HECW1: variants seen among roughly 807,000 people sequenced by gnomAD.
The protein encoded by HECW1 is E3 ubiquitin-protein ligase HECW1.
In HECW1, 61 loss-of-function variants were observed where a neutral mutation model predicts 182.3. The ratio of observed to expected loss-of-function variants is 0.33; its 90% confidence interval spans 0.27 to 0.41. HECW1 has a LOEUF of 0.41. HECW1 is among the 10% of genes least tolerant of loss of function. The probability of loss-of-function intolerance (pLI) is 1.00; values close to 1 mark genes in which losing one functional copy is unlikely to be tolerated. For synonymous variants in HECW1, 859 were observed against 832.6 expected, an observed-to-expected ratio of 1.03 and a Z score of -0.55; for missense variants, 1,739 against 2,108.9, an observed-to-expected ratio of 0.82 and a Z score of 3.44.
chr7:43,300,652 C>T (rs1041322366), intron 3 of HECW1, among the ~76,000 whole-genome samples: 5 of 152,150 alleles, frequency 3.3e-5, no homozygotes, highest in African/African-American at 1.2e-4. Flanking sequence ...GAATTTATAT[C>T]AGATATGGCC....
intron 24 of HECW1, among the ~76,000 whole-genome samples, chr7:43,517,511 A>C (rs7802336): frequency 0.27 from 40,951 of 152,122 alleles, 5,574 homozygotes; most frequent in South Asian, 0.36. Flanking sequence ...GTGTAATTGT[A>C]GAGTTTTATG....
chr7:43,416,804 G>A (rs1332652958), intron 8 of HECW1, among the ~76,000 whole-genome samples: 2 of 147,976 alleles, frequency 1.4e-5, no homozygotes, highest in African/African-American at 5.0e-5. Flanking sequence ...AGGTGCGTCC[G>A]TCACCCCTTT....
chr7:43,327,929 T>C (rs1319043336), intron 5 of HECW1, among the ~76,000 whole-genome samples: 2 of 151,450 alleles, frequency 1.3e-5, no homozygotes, highest in Non-Finnish European at 2.9e-5. Flanking sequence ...GAAAGATAAG[T>C]GCTTAGACTT....
chr7:43,492,968 T>C, intron 18 of HECW1, 116 bp from the exon 19 acceptor site: 1 of 614,622 alleles, frequency 1.6e-6, no homozygotes. Context: ...ATGAGTATGC[T>C]GCCTGCCCTT....
At chr7:43,519,811 A>G (rs1441147778) in intron 24 of HECW1, among the ~76,000 whole-genome samples, 1 of 152,204 alleles carries the variant, frequency 6.6e-6, no homozygotes, top group East Asian at 1.9e-4. Flanking sequence ...AACGCAATTC[A>G]AAAACTGAAA....
intron 3 of HECW1, among the ~76,000 whole-genome samples, chr7:43,308,548 C>T (rs916045009): frequency 2.2e-4 from 34 of 151,422 alleles, no homozygotes; most frequent in African/African-American, 7.8e-4. Flanking sequence ...AAGTTCATCT[C>T]CTTCCTACAT....
intron 26 of HECW1, among the ~76,000 whole-genome samples, chr7:43,549,318 G>C (rs1234246614): frequency 6.6e-6 from 1 of 152,188 alleles, no homozygotes; most frequent in Non-Finnish European, 1.5e-5. Context: ...TTTTATAATT[G>C]GCACTAATCA....
Position 43,396,905 on chromosome 7 carries a change from C to A in HECW1, c.631+16C>A. On this transcript the variant is annotated intron_variant, in intron 7 of 29. Transcript: ENST00000395891. ...TCTCTCTCAGGTATGTTTTGCTCAC[C>A]TGAGACTTTGTGGAGAGACTAAGAA... 2 of 1,592,718 alleles carry A rather than the reference C, an allele frequency of 1.3e-6. No individual in the cohort carries two copies. The highest frequency in any genetic ancestry group is 1.7e-6 in the Non-Finnish European group (2 of 1,161,660).
At chr7:43,530,804 A>C (rs2080952102) in intron 24 of HECW1, among the ~76,000 whole-genome samples, 1 of 152,130 alleles carries the variant, frequency 6.6e-6, no homozygotes, top group Non-Finnish European at 1.5e-5. Flanking sequence ...ATTTACCTCC[A>C]AATTGTTCGG....
chr7:43,478,091 A>G (rs1032124612), intron 16 of HECW1, among the ~76,000 whole-genome samples: 3 of 152,236 alleles, frequency 2.0e-5, no homozygotes, highest in African/African-American at 7.2e-5. Flanking sequence ...TGGAATATAT[A>G]TGGTACTCAG....
intron 3 of HECW1, among the ~76,000 whole-genome samples, chr7:43,307,917 T>TAC (rs1192289864): frequency 0.023 from 2,898 of 123,828 alleles, 103 homozygotes; most frequent in African/African-American, 0.085. Flanking sequence ...TATATATATA[T>TAC]ACACACACAC....
intron 5 of HECW1, among the ~76,000 whole-genome samples, chr7:43,340,960 C>T (rs951098267): frequency 4.0e-5 from 6 of 151,720 alleles, no homozygotes; most frequent in African/African-American, 1.5e-4. Context: ...ACATATACAC[C>T]ATGGAATACT....
At chr7:43,206,258 C>T (rs761844952) in intron 2 of HECW1, among the ~76,000 whole-genome samples, 7 of 152,150 alleles carry the variant, frequency 4.6e-5, no homozygotes, top group African/African-American at 1.7e-4. Context: ...ACCAGGAACG[C>T]GGCAGCTGAT....
intron 24 of HECW1, among the ~76,000 whole-genome samples, chr7:43,522,052 C>A (rs2080504225): frequency 6.6e-6 from 1 of 152,182 alleles, no homozygotes; most frequent in Admixed American, 6.5e-5. Context: ...ATCTTAGAAG[C>A]AGAGAACAAG....
Position 43,126,533 on chromosome 7 carries a change from T to C in HECW1, c.-32+12142T>C, listed in dbSNP as rs145370086. Among the ~76,000 whole-genome samples, 284 of 152,342 alleles carry C rather than the reference T, an allele frequency of 1.9e-3. 1 individual carries two copies. Among genetic ancestry groups the C allele is most frequent in the African/African-American group, 5.4e-3 (225 of 41,586 alleles). On this transcript the variant is annotated intron_variant, in intron 2 of 29. Coordinates refer to ENST00000395891, the MANE Select transcript of HECW1 (RefSeq NM_015052.5). ...CACAAAACCTTAAATGTTTACTAAC[T>C]AGCCCTTTAAGAAAAAATTGACCTA...
chr7:43,351,628 G>A (rs1814463298), intron 5 of HECW1, among the ~76,000 whole-genome samples: 1 of 151,442 alleles, frequency 6.6e-6, no homozygotes, highest in African/African-American at 2.4e-5. Context: ...CTGATATCTG[G>A]AAATTCTATG....
intron 2 of HECW1, among the ~76,000 whole-genome samples, chr7:43,234,510 C>CTT (rs34417565): frequency 7.3e-5 from 11 of 151,252 alleles, no homozygotes; most frequent in South Asian, 6.3e-4. Context: ...CACCTCAGGC[C>CTT]TTTTTTTTTG....
intron 3 of HECW1, among the ~76,000 whole-genome samples, chr7:43,260,860 G>A (rs915664848): frequency 2.6e-5 from 4 of 152,166 alleles, no homozygotes; most frequent in African/African-American, 9.7e-5. Context: ...AAAGGAGCAA[G>A]AATTATTTAT....
At chr7:43,529,838 C>G (rs1448068726) in intron 24 of HECW1, among the ~76,000 whole-genome samples, 2 of 152,214 alleles carry the variant, frequency 1.3e-5, no homozygotes, top group African/African-American at 4.8e-5. Context: ...ACTTCCTCAC[C>G]TACTGAAGTC....
Sources: gnomAD v4.1 joint callset for allele counts (sites outside exome capture counted in the v4.1 genomes callset) on GRCh38, gnomAD v4.1.1 for gene constraint, MANE v1.5 for transcripts, NCBI Gene and HGNC (gene_info 2026-07-23, HGNC 2026-07-21) for gene names.